XKR5: variants seen among roughly 807,000 people sequenced by gnomAD.
XKR5 encodes the protein XK related 5.
XKR5 carries 46 observed loss-of-function variants against 40.8 expected under a neutral mutation model. The observed-to-expected ratio is 1.13, with a 90% confidence interval of 0.89 to 1.44. XKR5 has a LOEUF of 1.44. Among genes scored for constraint, XKR5 ranks in the 40% most tolerant of loss-of-function variants. The pLI is 0.00. For missense variants in XKR5, 1,169 were observed against 844.7 expected (o/e 1.38, Z -4.76); for synonymous variants, 466 against 356.1 (o/e 1.31, Z -3.48).
In XKR5 at chr8:6,822,029, C is replaced by T. The variant is rs759871698; in HGVS notation, c.647G>A (p.Trp216Ter). Reference sequence around the variant, plus strand: ...GACAAGCCAGAATGTCATCACCAGCCAGTGGGCACCTGCAGAGAAGCCGGG... The same window carrying T: ...GACAAGCCAGAATGTCATCACCAGCTAGTGGGCACCTGCAGAGAAGCCGGG... The part of the protein sequence containing the change: ...FWVFVVAGAH[W>*]LVMTFWLVAQ... Residue 216 changes from tryptophan (W) to a stop codon, truncating the protein, a stop_gained, in exon 5 of 7, where the codon TGG (tryptophan) becomes TAG (stop). Transcript: ENST00000618742. LOFTEE classifies it high-confidence loss of function. 4 of 1,604,660 alleles carry T rather than the reference C, an allele frequency of 2.5e-6. No individual in the cohort carries two copies. Among genetic ancestry groups the T allele is most frequent in the East Asian group, 4.5e-5 (2 of 44,538 alleles).
chr8:6,812,246 C>T lies in XKR5; in HGVS notation c.1013G>A (p.Gly338Glu). Residue 338 changes from glycine to glutamate, a missense_variant, in exon 7 of 7, where the codon GGA (glycine) becomes GAA (glutamate). Physicochemically the swap from Gly to Glu is moderately conservative, Grantham distance 98 (BLOSUM62 -2). Transcript: ENST00000618742. ...ATCTCTTCTCTCTGTTTTATCACCT[C>T]CTGCAATGCCACAGGACTTCCTTAG... ...GCLRKSCGIA[G>E]GDKTERRDSP... 6.4e-7 allele frequency: 1 copy of T among 1,552,946 alleles called. No homozygotes were observed. Among genetic ancestry groups the T allele is most frequent in the South Asian group, 1.2e-5 (1 of 84,140 alleles).
chr8:6,832,825 G>C lies in XKR5; in HGVS notation c.134C>G (p.Pro45Arg). The C allele has an allele frequency of 1.2e-6, 2 of 1,612,364 alleles. No homozygotes were observed. Among genetic ancestry groups the C allele is most frequent in the Non-Finnish European group, 1.7e-6 (2 of 1,179,318 alleles). Residue 45 changes from proline to arginine, a missense_variant, in exon 2 of 7, where the codon CCC becomes CGC. Coordinates refer to ENST00000618742, the MANE Select transcript of XKR5 (RefSeq NM_207411.5). ...WGWLALAVLLPGFLVQALSYL... is the reference protein window; with the variant it reads ...WGWLALAVLLRGFLVQALSYL... ...GCTCAGGGCCTGGACCAAGAACCCG[G>C]GCAGGAGGACAGCAAGGGCCAGCCA...
At chr8:6,817,688 C>G (rs145048687) in intron 5 of XKR5, among the ~76,000 whole-genome samples, 3 of 152,170 alleles carry the variant, frequency 2.0e-5, no homozygotes, top group Non-Finnish European at 4.4e-5. Context: ...ACTTCCTTTC[C>G]GAGCAGTTCC....
At chr8:6,832,029 AAAAAAAC>A (rs1804791043) in intron 2 of XKR5, among the ~76,000 whole-genome samples, 1 of 147,734 alleles carries the variant, frequency 6.8e-6, no homozygotes, top group Admixed American at 6.8e-5. Context: ...AAAAAAAAAA[AAAAAAAC>A]AAACCTAACA....
At chr8:6,815,106 T>C (rs1329762672) in intron 6 of XKR5, among the ~76,000 whole-genome samples, 2 of 152,072 alleles carry the variant, frequency 1.3e-5, no homozygotes, top group East Asian at 3.9e-4. Context: ...GCTTTGACGG[T>C]CCCACCGCAG....
chr8:6,819,378 A>G (rs992966811), intron 5 of XKR5, among the ~76,000 whole-genome samples: 4 of 152,180 alleles, frequency 2.6e-5, no homozygotes, highest in Non-Finnish European at 4.4e-5. Context: ...GTGGCGCCCC[A>G]GTCTGTCCAC....
chr8:6,811,226 A>C lies in XKR5; in HGVS notation c.2033T>G (p.Met678Arg). The C allele has an allele frequency of 6.5e-7, 1 of 1,537,070 alleles. No individual in the cohort carries two copies. The part of the protein sequence containing the change: ...IQTDCSCREQ[M>R]KQEPSFFI ...GATGAAAAAACTCGGCTCTTGCTTC[A>C]TCTGTTCCCTGCAGCTGCAGTCCGT... The change falls in exon 7 of 7, where the codon ATG becomes AGG. Residue 678 changes from methionine to arginine, a missense_variant. Transcript: ENST00000618742.
At chr8:6,823,837 T>A (rs1465922566) in intron 3 of XKR5, 107 bp from the exon 4 acceptor site, 4 of 981,600 alleles carry the variant, frequency 4.1e-6, no homozygotes, top group Admixed American at 4.2e-5. Context: ...TAACCTCTTG[T>A]TAAAGCCTGG....
chr8:6,816,439 T>A (rs1452526584), intron 5 of XKR5, among the ~76,000 whole-genome samples: 2 of 152,024 alleles, frequency 1.3e-5, no homozygotes, highest in African/African-American at 4.8e-5. Context: ...GCTCGCAGGC[T>A]GACAAAGGAG....
At chr8:6,826,043 G>A (rs1804461150) in intron 2 of XKR5, among the ~76,000 whole-genome samples, 3 of 152,130 alleles carry the variant, frequency 2.0e-5, no homozygotes, top group Admixed American at 2.0e-4. Flanking sequence ...ACTGTCTGGG[G>A]TATGAGATGA....
intron 2 of XKR5, among the ~76,000 whole-genome samples, chr8:6,827,469 A>T (rs1804561760): frequency 6.6e-6 from 1 of 151,954 alleles, no homozygotes; most frequent in African/African-American, 2.4e-5. Context: ...AGATTCGGGG[A>T]CTCCTCTTTG....
intron 1 of XKR5, 119 bp downstream of exon 1, chr8:6,835,317 A>C: frequency 9.5e-7 from 1 of 1,053,492 alleles, no homozygotes; most frequent in Non-Finnish European, 1.3e-6. Context: ...ACCGGCGCGC[A>C]GTGCTGGGCG....
intron 3 of XKR5, among the ~76,000 whole-genome samples, chr8:6,824,659 T>G (rs553609888): frequency 6.6e-6 from 1 of 152,130 alleles, no homozygotes; most frequent in African/African-American, 2.4e-5. Flanking sequence ...GCCTCTTGAA[T>G]AGCTGGCACT....
At position 6,819,674 on chromosome 8, in the gene XKR5, CA is replaced by C. The variant is rs1804135111; in HGVS notation, c.807+2194del. Among the ~76,000 whole-genome samples the C allele has an allele frequency of 2.0e-5, 3 of 152,220 alleles. No homozygotes were observed. In the South Asian group the frequency reaches 6.2e-4, roughly 32 times the overall value. On this transcript the variant is annotated intron_variant, in intron 5 of 6. Coordinates refer to ENST00000618742, the MANE Select transcript of XKR5 (RefSeq NM_207411.5). ...CCACCTGTCATCTCCGCCTTTTCTT[CA>C]GTTTCATGGTTGCAGCCCCACCTCA...
At position 6,832,732 on chromosome 8, in the gene XKR5, A is replaced by C. The variant is rs1182240985; in HGVS notation, c.227T>G (p.Leu76Arg). 6.2e-7 allele frequency: 1 copy of C among 1,613,098 alleles called. No homozygotes were observed. The highest frequency in any genetic ancestry group is 8.5e-7 in the Non-Finnish European group (1 of 1,179,558). Residue 76 changes from leucine to arginine, a missense_variant, in exon 2 of 7, where the codon CTT becomes CGT. Transcript: ENST00000618742. Reference protein sequence around the residue: ...CSLMMLHLLQLGVWKRHWDAA... With the variant: ...CSLMMLHLLQRGVWKRHWDAA... ...CTGTTCTTACCGCTTCCAAACACCA[A>C]GCTGTAGGAGGTGCAGCATCATCAA...
chr8:6,814,041 A>T (rs1170664687), intron 6 of XKR5, among the ~76,000 whole-genome samples: 1 of 152,178 alleles, frequency 6.6e-6, no homozygotes, highest in Non-Finnish European at 1.5e-5. Context: ...CTTCATTCCA[A>T]GTATCACATG....
intron 1 of XKR5, among the ~76,000 whole-genome samples, chr8:6,834,391 C>G (rs1257914952): frequency 1.3e-5 from 2 of 152,250 alleles, no homozygotes; most frequent in Non-Finnish European, 2.9e-5. Flanking sequence ...CCACCCCGAG[C>G]GTCCTGCGGC....
chr8:6,811,582 G>C lies in XKR5; in HGVS notation c.1677C>G (p.Ser559Arg). 4.6e-6 allele frequency: 7 copies of C among 1,537,322 alleles called. No individual in the cohort carries two copies. The highest frequency in any genetic ancestry group is 6.1e-6 in the Non-Finnish European group (7 of 1,146,900). ...AGTGGGCCGTTTGCAGAGTAGCTGG[G>C]CTGCCTTCTTGTTGTGAGGATGTGG... ...EVATSSQQEG[S>R]PATLQTAHSG... The change falls in exon 7 of 7, where the codon AGC (serine) becomes AGG (arginine). Residue 559 changes from serine (S) to arginine (R), a missense_variant. Transcript: ENST00000618742.
At position 6,823,053 on chromosome 8, in the gene XKR5, C is replaced by T. The variant is rs1462646016; in HGVS notation, c.637+468G>A. ...ACAGTCTCCTGAGAAGTTCTCTGCT[C>T]CAGATTTAGCTGGGAGTGTTGAGGG... On this transcript the variant is annotated intron_variant, in intron 4 of 6. Transcript: ENST00000618742. 2.0e-5 allele frequency among the ~76,000 whole-genome samples: 3 copies of T among 152,260 alleles called. No homozygotes were observed. In the East Asian group the frequency reaches 5.8e-4, roughly 29 times the overall value.
Sources: gnomAD v4.1 joint callset for allele counts (sites outside exome capture counted in the v4.1 genomes callset) on GRCh38, gnomAD v4.1.1 for gene constraint, MANE v1.5 for transcripts, NCBI Gene and HGNC (gene_info 2026-07-23, HGNC 2026-07-21) for gene names.